PLEKHG5: variants seen among roughly 807,000 people sequenced by gnomAD.
PLEKHG5 encodes pleckstrin homology domain-containing family G member 5.
In PLEKHG5, 52 loss-of-function variants were observed where a neutral mutation model predicts 103.8. The observed-to-expected ratio is 0.50, with a 90% CI of 0.40 to 0.63. The LOEUF is 0.63. Ranked by LOEUF, PLEKHG5 falls within the 30% of genes least tolerant of loss-of-function variation. The pLI is 0.00. For synonymous variants in PLEKHG5, 592 were observed against 575.5 expected (o/e 1.03, Z -0.41); for missense variants, 1,205 against 1,347.6 (o/e 0.89, Z 1.66).
At chr1:6,509,332 G>C (rs1203621697) in intron 1 of PLEKHG5, among the ~76,000 whole-genome samples, 2 of 152,254 alleles carry the variant, frequency 1.3e-5, no homozygotes, top group Non-Finnish European at 2.9e-5. Context: ...CTAAAGACAA[G>C]GGCCCGCTTC....
chr1:6,468,086 T>C lies in PLEKHG5; in HGVS notation c.2750A>G (p.Gln917Arg). 6.3e-7 allele frequency: 1 copy of C among 1,585,608 alleles called. No homozygotes were observed. The highest frequency in any genetic ancestry group is 8.6e-7 in the Non-Finnish European group (1 of 1,167,522). ...LAVPAPGIRT[Q>R]GSPQEAGPSW... is the part of the protein sequence containing the mutation. ...GGGCCCAGCTTCCTGAGGGGAGCCC[T>C]GAGTCCTAATACCTGGGGCTGGAAC... is the stretch of plus-strand genomic sequence containing the variant. The change falls in exon 20 of 21, where the codon CAG becomes CGG. Residue 917 changes from glutamine (Q) to arginine (R), a missense_variant. Gln to Arg is a conservative substitution (Grantham distance 43). Coordinates refer to ENST00000377728, the MANE Select transcript of PLEKHG5 (RefSeq NM_020631.6).
At chr1:6,497,200 C>T, upstream of PLEKHG5, 2 of 868,158 alleles carry the variant, frequency 2.3e-6, no homozygotes, top group Admixed American at 2.0e-5. This position sits in a 1 kb window ranked among gnomAD's most constrained non-coding sequence, Gnocchi z 6.1. Context: ...TACGAGCGGC[C>T]CGAAGCCCGG....
At chr1:6,495,705 A>T (rs964118560), upstream of PLEKHG5, among the ~76,000 whole-genome samples, 2 of 152,214 alleles carry the variant, frequency 1.3e-5, no homozygotes, top group Non-Finnish European at 2.9e-5. Flanking sequence ...ATGTAAATGC[A>T]TGCTGGGAGG....
chr1:6,507,942 A>G (rs1466867764), intron 1 of PLEKHG5, among the ~76,000 whole-genome samples: 2 of 152,086 alleles, frequency 1.3e-5, no homozygotes, highest in African/African-American at 2.4e-5. Context: ...AGGACCATCC[A>G]TGGCCTGGCC....
In PLEKHG5 at chr1:6,491,665, C is replaced by T; in HGVS notation, c.-116G>A. 5 of 985,570 alleles carry T rather than the reference C, an allele frequency of 5.1e-6. No homozygotes were observed. The highest frequency in any genetic ancestry group is 6.0e-6 in the Non-Finnish European group (5 of 830,018). The allele number at this position is 985,570 out of a possible 1,614,324, so 61.1% of individuals were successfully genotyped here. On this transcript the variant is annotated 5_prime_UTR_variant, in exon 1 of 21. Transcript: ENST00000377728. This position sits in a 1 kb window ranked among gnomAD's most constrained non-coding sequence, Gnocchi z 4.1. ...CTGCCCGTCCCTTCTCCATGGGGGC[C>T]TCAGGTCCACCCTTTCCTCTCCCTG...
chr1:6,508,297 C>T (rs573582255), intron 1 of PLEKHG5, among the ~76,000 whole-genome samples: 4 of 152,338 alleles, frequency 2.6e-5, no homozygotes, highest in Non-Finnish European at 4.4e-5. Flanking sequence ...CCTGACCACA[C>T]GGAGCATCAT....
Position 6,491,115 on chromosome 1 carries a change from G to A in PLEKHG5, c.-88+522C>T, listed in dbSNP as rs1645144524. Among the ~76,000 whole-genome samples the A allele has an allele frequency of 6.6e-6, 1 of 151,682 alleles. No homozygotes were observed. The stretch of plus-strand genomic sequence containing the variant: ...CCTCTTTTTTTTTTTTCTGGCCCAG[G>A]TGATATGGCCGGAAAAGGGTGCTGT... On this transcript the variant is annotated intron_variant, in intron 1 of 20. Coordinates refer to ENST00000377728, the MANE Select transcript of PLEKHG5 (RefSeq NM_020631.6). This position sits in a 1 kb window ranked among gnomAD's most constrained non-coding sequence, Gnocchi z 4.1.
At chr1:6,495,047 C>A (rs1645202567), upstream of PLEKHG5, among the ~76,000 whole-genome samples, 1 of 152,208 alleles carries the variant, frequency 6.6e-6, no homozygotes, top group South Asian at 2.1e-4. Flanking sequence ...TTGAGGACCC[C>A]CCCTGAGAGC....
Position 6,470,350 on chromosome 1 carries a change from C to T in PLEKHG5, c.1686G>A (p.Leu562=), listed in dbSNP as rs1416853157. 6.2e-7 allele frequency: 1 copy of T among 1,613,894 alleles called. No homozygotes were observed. Among genetic ancestry groups the T allele is most frequent in the East Asian group, 2.2e-5 (1 of 44,892 alleles). Residue 562 remains leucine, a synonymous_variant, in exon 16 of 21, where the codon CTG becomes CTA. Transcript: ENST00000377728. ...TCAAGTCCAGGTGCAGAAATTCCTT[C>T]AGGAGCTGGGGACGGATGGCGTGAA... The part of the protein sequence containing the change: ...ESSSDEVDKL[L]KEFLHLDLTA...
At position 6,487,685 on chromosome 1, in the gene PLEKHG5, C is replaced by T. The variant is rs1379879498; in HGVS notation, c.-88+3952G>A. 6.6e-6 allele frequency among the ~76,000 whole-genome samples: 1 copy of T among 152,208 alleles called. No homozygotes were observed. The highest frequency in any genetic ancestry group is 1.5e-5 in the Non-Finnish European group (1 of 68,042). On this transcript the variant is annotated intron_variant, in intron 1 of 20. Transcript: ENST00000377728. The surrounding 1 kb of genome is among the most constrained non-coding windows in gnomAD (Gnocchi z 4.1). Reference sequence around the variant, plus strand: ...TTTCCCTCATCTTAAAATAAACCACCCTTACCCTCCCACTCTCAATTCCTT... The same window carrying T: ...TTTCCCTCATCTTAAAATAAACCACTCTTACCCTCCCACTCTCAATTCCTT...
intron 1 of PLEKHG5, among the ~76,000 whole-genome samples, chr1:6,518,094 A>G (rs1038975046): frequency 9.9e-5 from 15 of 151,418 alleles, no homozygotes; most frequent in African/African-American, 3.6e-4. Flanking sequence ...CACCACGCCC[A>G]GCTGATTTTT....
intron 1 of PLEKHG5, among the ~76,000 whole-genome samples, chr1:6,513,518 G>C (rs1027950564): frequency 6.6e-6 from 1 of 152,326 alleles, no homozygotes; most frequent in South Asian, 2.1e-4. Context: ...GCTGTTCCTC[G>C]GGGCTGTCTG....
upstream of PLEKHG5, chr1:6,496,499 C>A (rs748833521): frequency 6.2e-7 from 1 of 1,603,566 alleles, no homozygotes; most frequent in South Asian, 1.1e-5. Context: ...CTACCTTGGC[C>A]GCCCGCCCCT....
At chr1:6,472,224 C>T (rs764876783) in intron 10 of PLEKHG5, among the ~76,000 whole-genome samples, 3 of 152,242 alleles carry the variant, frequency 2.0e-5, no homozygotes, top group Non-Finnish European at 4.4e-5. Context: ...CACTCTGTCC[C>T]GTCCAGGGCG....
chr1:6,468,077 G>A lies in PLEKHG5; in HGVS notation c.2759C>T (p.Pro920Leu), dbSNP rs1436307319. 57 of 1,582,404 alleles carry A rather than the reference G, an allele frequency of 3.6e-5. No homozygotes were observed. Among genetic ancestry groups the A allele is most frequent in the Non-Finnish European group, 4.5e-5 (53 of 1,166,414 alleles). The change falls in exon 20 of 21, where the codon CCT becomes CTT. Residue 920 changes from proline (P) to leucine (L), a missense_variant. Physicochemically the swap from Pro to Leu is moderately conservative, Grantham distance 98. Transcript: ENST00000377728. ...ATCCCAGCTGGGCCCAGCTTCCTGA[G>A]GGGAGCCCTGAGTCCTAATACCTGG... Reference protein sequence around the residue: ...PAPGIRTQGSPQEAGPSWDCR... With the variant: ...PAPGIRTQGSLQEAGPSWDCR...
At chr1:6,508,036 C>T (rs1638371428) in intron 1 of PLEKHG5, among the ~76,000 whole-genome samples, 1 of 152,182 alleles carries the variant, frequency 6.6e-6, no homozygotes, top group African/African-American at 2.4e-5. Context: ...CTCGGCCCCT[C>T]TTTGTCTGGG....
chr1:6,498,667 C>G (rs74582115), upstream of PLEKHG5, among the ~76,000 whole-genome samples: 10 of 152,026 alleles, frequency 6.6e-5, no homozygotes, highest in Non-Finnish European at 1.5e-4. Context: ...ACAGGCACCC[C>G]GGGGGCCTCC....
At chr1:6,518,551 C>A (rs1318846869) in intron 1 of PLEKHG5, among the ~76,000 whole-genome samples, 1 of 138,436 alleles carries the variant, frequency 7.2e-6, no homozygotes, top group African/African-American at 2.7e-5. Context: ...AAAAGTGAAA[C>A]TCCATCCCAA....
chr1:6,469,458 G>C lies in PLEKHG5; in HGVS notation c.1934-8C>G. 6.2e-7 allele frequency: 1 copy of C among 1,613,810 alleles called. No homozygotes were observed. The highest frequency in any genetic ancestry group is 1.6e-4 in the Middle Eastern group (1 of 6,062). On this transcript the variant is annotated splice_region_variant and splice_polypyrimidine_tract_variant and intron_variant, in intron 17 of 20. Coordinates refer to ENST00000377728, the MANE Select transcript of PLEKHG5 (RefSeq NM_020631.6). ...AGATAAGGAGGAAGGACCCTGGTTAGGGAAGGCCCAAGTCAGTGTCAGCAG... is the reference window on the plus strand; with the variant it reads ...AGATAAGGAGGAAGGACCCTGGTTACGGAAGGCCCAAGTCAGTGTCAGCAG...
Sources: gnomAD v4.1 joint callset for allele counts (sites outside exome capture counted in the v4.1 genomes callset) on GRCh38, gnomAD v4.1.1 for gene constraint, Gnocchi (gnomAD v3.1) non-coding constraint, MANE v1.5 for transcripts, NCBI Gene and HGNC (gene_info 2026-07-23, HGNC 2026-07-21) for gene names.